The following EIF4G3 variants were observed in gnomAD, a reference collection of about 807,000 sequenced individuals.
EIF4G3 encodes the protein eukaryotic translation initiation factor 4 gamma 3.
Under a neutral mutation model 186.4 loss-of-function variants are expected in EIF4G3, and 34 were observed. The ratio of observed to expected loss-of-function variants is 0.18; its 90% CI spans 0.14 to 0.24. The LOEUF (loss-of-function observed/expected upper bound fraction) is 0.24, where lower values mean the gene tolerates loss of function less well. Ranked by LOEUF, EIF4G3 falls within the 10% of genes least tolerant of loss-of-function variation. The pLI is 1.00. For missense variants in EIF4G3, 1,536 were observed against 1,948.5 expected, an observed-to-expected ratio of 0.79 and a Z score of 3.99; for synonymous variants, 673 against 679.5, an observed-to-expected ratio of 0.99 and a Z score of 0.15.
At chr1:20,953,174 A>T (rs1015982429) in intron 12 of EIF4G3, among the ~76,000 whole-genome samples, 9 of 152,332 alleles carry the variant, frequency 5.9e-5, no homozygotes, top group African/African-American at 1.9e-4. Flanking sequence ...AAAATAACTC[A>T]ATAAAGATGC....
intron 2 of EIF4G3, among the ~76,000 whole-genome samples, chr1:21,108,043 G>A (rs1388110923): frequency 6.6e-6 from 1 of 152,234 alleles, no homozygotes; most frequent in Non-Finnish European, 1.5e-5. Flanking sequence ...AGCTACTTAG[G>A]AGATTGAAGC....
At chr1:20,910,976 G>A (rs1449588527) in intron 14 of EIF4G3, among the ~76,000 whole-genome samples, 1 of 152,034 alleles carries the variant, frequency 6.6e-6, no homozygotes, top group Admixed American at 6.6e-5. Context: ...TTTTAAATTG[G>A]GAGAAATAAA....
At chr1:20,812,251 C>T (rs1032604283) in intron 35 of EIF4G3, among the ~76,000 whole-genome samples, 1 of 152,190 alleles carries the variant, frequency 6.6e-6, no homozygotes, top group African/African-American at 2.4e-5. Flanking sequence ...CAGTGACCCC[C>T]ACCATCTCAA....
intron 7 of EIF4G3, among the ~76,000 whole-genome samples, chr1:20,990,131 G>A (rs1439375406): frequency 2.6e-5 from 4 of 152,046 alleles, no homozygotes; most frequent in African/African-American, 4.8e-5. Context: ...CAGAGATTAT[G>A]CCACTCCACT....
chr1:21,143,770 A>T (rs557531775), intron 2 of EIF4G3, among the ~76,000 whole-genome samples: 115 of 152,276 alleles, frequency 7.6e-4, no homozygotes, highest in African/African-American at 2.4e-3. Flanking sequence ...AATATTTTTT[A>T]AATTACCTGG....
intron 4 of EIF4G3, among the ~76,000 whole-genome samples, chr1:21,035,731 G>A (rs1441567634): frequency 6.6e-6 from 1 of 152,244 alleles, no homozygotes; most frequent in Non-Finnish European, 1.5e-5. Context: ...GGGGGCCATA[G>A]GCAGTGGTGG....
intron 2 of EIF4G3, among the ~76,000 whole-genome samples, chr1:21,149,144 G>A (rs2097508558): frequency 6.6e-6 from 1 of 151,478 alleles, no homozygotes; most frequent in Non-Finnish European, 1.5e-5. Flanking sequence ...GTTAAAATAG[G>A]AAAAATAATA....
chr1:20,909,938 T>A (rs1011701209), intron 14 of EIF4G3, among the ~76,000 whole-genome samples: 1 of 152,002 alleles, frequency 6.6e-6, no homozygotes, highest in Non-Finnish European at 1.5e-5. Flanking sequence ...CCCGCAACCA[T>A]GCCCGGCTAA....
At chr1:20,849,674 T>C (rs1395897677) in intron 28 of EIF4G3, 144 bp from the exon 29 acceptor site, 6 of 425,284 alleles carry the variant, frequency 1.4e-5, no homozygotes. Context: ...TACAGAAACC[T>C]TTTGTTTTAG....
intron 17 of EIF4G3, among the ~76,000 whole-genome samples, chr1:20,894,023 C>T (rs1056330417): frequency 6.6e-6 from 1 of 151,720 alleles, no homozygotes; most frequent in African/African-American, 2.4e-5. Flanking sequence ...CTTGCCTATA[C>T]GAATCCTGCT....
chr1:20,822,600 T>G (rs1337322466), intron 33 of EIF4G3, among the ~76,000 whole-genome samples: 1 of 150,566 alleles, frequency 6.6e-6, no homozygotes, highest in Non-Finnish European at 1.5e-5. Flanking sequence ...TTTTTTTTTT[T>G]TTTTGGTGAT....
At chr1:21,088,437 T>C (rs909106356) in intron 3 of EIF4G3, among the ~76,000 whole-genome samples, 1 of 148,858 alleles carries the variant, frequency 6.7e-6, no homozygotes, top group African/African-American at 2.5e-5. Context: ...AAAAAAAAAG[T>C]GTTCACTCTT....
intron 14 of EIF4G3, among the ~76,000 whole-genome samples, chr1:20,940,225 T>C (rs2095665581): frequency 6.6e-6 from 1 of 152,098 alleles, no homozygotes; most frequent in Non-Finnish European, 1.5e-5. Context: ...AAGGAACAAG[T>C]TTCCTAAAAC....
At chr1:20,906,642 CAT>C (rs1233934242) in intron 14 of EIF4G3, among the ~76,000 whole-genome samples, 1 of 151,914 alleles carries the variant, frequency 6.6e-6, no homozygotes. Context: ...AGTAATATAA[CAT>C]ATTTAACATA....
At chr1:20,882,574 T>C (rs1316735523) in intron 19 of EIF4G3, among the ~76,000 whole-genome samples, 1 of 149,036 alleles carries the variant, frequency 6.7e-6, no homozygotes, top group Non-Finnish European at 1.5e-5. Context: ...TGAGCTGAGA[T>C]CGCGTCACTG....
chr1:20,987,497 C>T (rs1156689843), intron 7 of EIF4G3, among the ~76,000 whole-genome samples: 3 of 152,180 alleles, frequency 2.0e-5, no homozygotes, highest in Non-Finnish European at 4.4e-5. Flanking sequence ...GTGCTCATTT[C>T]GTGTTTGTCA....
At chr1:20,983,926 C>A (rs1036463430) in intron 7 of EIF4G3, among the ~76,000 whole-genome samples, 1 of 152,118 alleles carries the variant, frequency 6.6e-6, no homozygotes, top group Non-Finnish European at 1.5e-5. Flanking sequence ...AAAATTTTAA[C>A]AGTCTGTATG....
chr1:20,956,493 G>A (rs2096422249), intron 12 of EIF4G3, among the ~76,000 whole-genome samples: 1 of 152,014 alleles, frequency 6.6e-6, no homozygotes. Flanking sequence ...AGCAGTGAAG[G>A]TGGTGGGAAT....
chr1:21,118,782 T>A, intron 2 of EIF4G3, among the ~76,000 whole-genome samples: 7 of 131,498 alleles, frequency 5.3e-5, no homozygotes, highest in Admixed American at 1.6e-4. Context: ...CGAGACTACA[T>A]CTCAAAAAAA....
Sources: allele counts gnomAD v4.1 joint callset (sites outside exome capture counted in the v4.1 genomes callset), GRCh38; gene constraint gnomAD v4.1.1; transcripts MANE v1.5; gene names NCBI Gene and HGNC (gene_info 2026-07-23, HGNC 2026-07-21).